Variants in MFSD8 observed in about 807,000 individuals in gnomAD.
MFSD8 encodes major facilitator superfamily domain containing 8.
MFSD8 carries 55 observed loss-of-function variants against 66.4 expected under a neutral mutation model. The ratio of observed to expected loss-of-function variants is 0.83; its 90% CI spans 0.67 to 1.04. The LOEUF is 1.04. Among genes scored for constraint, MFSD8 ranks in the 50% least tolerant of loss-of-function variants. The pLI is 0.00. For synonymous variants in MFSD8, 202 were observed against 212.8 expected, an observed-to-expected ratio of 0.95 and a Z score of 0.44; for missense variants, 550 against 627.6, an observed-to-expected ratio of 0.88 and a Z score of 1.32.
chr4:127,942,349 T>C (rs1740327205), intron 4 of MFSD8, among the ~76,000 whole-genome samples, 191 bp from the exon 5 acceptor site: 1 of 152,140 alleles, frequency 6.6e-6, no homozygotes, highest in Middle Eastern at 3.2e-3. Context: ...ACCATACTAG[T>C]TTTGGTAATA....
intron 9 of MFSD8, among the ~76,000 whole-genome samples, chr4:127,925,616 T>C (rs773813680): frequency 3.3e-5 from 5 of 152,156 alleles, no homozygotes; most frequent in Non-Finnish European, 7.3e-5. Context: ...TGTGGAGAAA[T>C]AGGAACACCT....
intron 3 of MFSD8, among the ~76,000 whole-genome samples, chr4:127,946,821 A>G (rs565334810): frequency 4.6e-5 from 7 of 152,168 alleles, no homozygotes; most frequent in African/African-American, 1.7e-4. Context: ...AGGCTGAGGC[A>G]GGAGAATCAC....
At chr4:127,917,744 T>C (rs1342103057), downstream of MFSD8, 1 of 152,228 alleles carries the variant, frequency 6.6e-6, no homozygotes, top group Non-Finnish European at 1.5e-5. Context: ...AATTGGCACA[T>C]AGTGGGTACC....
chr4:127,921,002 T>G, intron 11 of MFSD8, 166 bp from the exon 12 acceptor site: 1 of 650,958 alleles, frequency 1.5e-6, no homozygotes, highest in Non-Finnish European at 2.6e-6. Flanking sequence ...CATTTAATAT[T>G]AAGTCAGATT....
chr4:127,930,912 C>T, intron 8 of MFSD8, 95 bp from the exon 9 acceptor site: 2 of 1,192,280 alleles, frequency 1.7e-6, no homozygotes, highest in South Asian at 3.0e-5. Context: ...TCTACACATT[C>T]AAGAATGTGC....
chr4:127,961,700 C>G (rs1017994912), intron 1 of MFSD8, among the ~76,000 whole-genome samples: 2 of 151,600 alleles, frequency 1.3e-5, no homozygotes, highest in Admixed American at 6.6e-5. Context: ...CCTGTAGTCC[C>G]AGCTACTCTA....
In MFSD8 at chr4:127,919,350, A is replaced by C. The variant is rs146441639; in HGVS notation, c.*1280T>G. The C allele has an allele frequency of 1.3e-5, 2 of 152,178 alleles. No individual in the cohort carries two copies. Among genetic ancestry groups the C allele is most frequent in the Non-Finnish European group, 2.9e-5 (2 of 68,020 alleles). 9.4% of individuals were successfully genotyped at this position (152,178 alleles called of 1,614,324 possible). A position where few individuals can be genotyped will look rare whatever the true frequency, so the allele number is the denominator to read the frequency against. On this transcript the variant is annotated 3_prime_UTR_variant, in exon 12 of 12. Coordinates refer to ENST00000641686, the MANE Select transcript of MFSD8 (RefSeq NM_001371596.2). ...ACACTGCACCCAACCTATAAAGTGC[A>C]GATTATATAGTGTTTATTCTCAGAT...
intron 5 of MFSD8, among the ~76,000 whole-genome samples, chr4:127,940,917 CT>C (rs1387089771): frequency 1.3e-5 from 2 of 152,024 alleles, no homozygotes; most frequent in African/African-American, 4.8e-5. Flanking sequence ...AATGTTAGTG[CT>C]TGTTGAGGGC....
At chr4:127,931,275 A>G (rs1166436037) in intron 8 of MFSD8, among the ~76,000 whole-genome samples, 1 of 152,124 alleles carries the variant, frequency 6.6e-6, no homozygotes, top group African/African-American at 2.4e-5. Flanking sequence ...CCTTTATATG[A>G]CTATATCCTT....
intron 9 of MFSD8, among the ~76,000 whole-genome samples, chr4:127,926,201 T>C (rs935948786): frequency 9.5e-6 from 1 of 105,556 alleles, no homozygotes; most frequent in Non-Finnish European, 2.0e-5. Context: ...AACCTGCACA[T>C]ATATTCCAGA....
chr4:127,945,762 T>C (rs543738155), intron 3 of MFSD8: 1 of 152,312 alleles, frequency 6.6e-6, no homozygotes, highest in South Asian at 2.1e-4. Context: ...TTTTAGGTAC[T>C]CTGGTTTTCA....
rs774112195 is a variant in MFSD8 at position 127,943,838 on chromosome 4, T to C, written c.353A>G (p.Asn118Ser). 4 of 1,614,170 alleles carry C rather than the reference T, an allele frequency of 2.5e-6. No homozygotes were observed. The East Asian group carries it at 6.7e-5, about 27-fold the overall frequency. Residue 118 changes from asparagine to serine, a missense_variant, in exon 4 of 12, where the codon AAC becomes AGC. Physicochemically the swap from Asn to Ser is conservative, Grantham distance 46. Coordinates refer to ENST00000641686, the MANE Select transcript of MFSD8 (RefSeq NM_001371596.2). The stretch of plus-strand genomic sequence containing the variant: ...GATGTGGAGATATGCATAGAGGCAG[T>C]TGGCTGCCACGGAAATCAAGATGGA... ...IVSILISVAANCLYAYLHIPA... is the reference protein window; with the variant it reads ...IVSILISVAASCLYAYLHIPA...
At chr4:127,946,264 G>C (rs1186708409) in intron 3 of MFSD8, among the ~76,000 whole-genome samples, 1 of 151,978 alleles carries the variant, frequency 6.6e-6, no homozygotes, top group Non-Finnish European at 1.5e-5. Flanking sequence ...CAAAATATCT[G>C]GAGAAAAGAG....
In MFSD8 at chr4:127,938,595, ATAAATAAATAAATAAAT is replaced by A. The variant is rs1331296637; in HGVS notation, c.754+171_754+187del. On this transcript the variant is annotated intron_variant, in intron 7 of 11. Transcript: ENST00000641686. ...GAAACTCTGTCTCAAAAAAAAAAAA[ATAAATAAATAAATAAAT>A]AAATAAATAAATAAATAAATAAATT... Among the ~76,000 whole-genome samples, 60 of 110,984 alleles carry A rather than the reference ATAAATAAATAAATAAAT, an allele frequency of 5.4e-4. No homozygotes were observed. The South Asian group carries it at 0.014, about 27-fold the overall frequency. 72.8% of individuals were successfully genotyped at this position (110,984 alleles called of 152,430 possible).
intron 5 of MFSD8, among the ~76,000 whole-genome samples, chr4:127,940,513 A>T (rs2148909594): frequency 1.0e-5 from 1 of 99,472 alleles, no homozygotes; most frequent in East Asian, 2.6e-4. Context: ...TATTCTGTAT[A>T]TGGTATATAT....
intron 11 of MFSD8, chr4:127,921,077 A>G (rs1736277887): frequency 3.5e-6 from 2 of 575,704 alleles, no homozygotes; most frequent in Admixed American, 6.2e-5. Flanking sequence ...GAATAATAAA[A>G]TTGATTAAAA....
chr4:127,965,240 C>T, upstream of MFSD8: 2 of 1,409,298 alleles, frequency 1.4e-6, no homozygotes, highest in Non-Finnish European at 2.0e-6. Context: ...TGCGCGTGCG[C>T]ACCTGACGGT....
chr4:127,939,860 T>G lies in MFSD8; in HGVS notation c.691A>C (p.Ile231Leu). 1 of 1,612,264 alleles carries G rather than the reference T, an allele frequency of 6.2e-7. No homozygotes were observed. Among genetic ancestry groups the G allele is most frequent in the Non-Finnish European group, 8.5e-7 (1 of 1,179,030 alleles). ...GILNIILILA[I>L]LREHRVDDSG... Reference sequence around the variant, plus strand: ...TCATTTCTATCTAATTACCTTAGTATGGCAAGGATCAGAATAATATTTAAA... The same window carrying G: ...TCATTTCTATCTAATTACCTTAGTAGGGCAAGGATCAGAATAATATTTAAA... The change falls in exon 6 of 12, where the codon ATA becomes CTA. Residue 231 changes from isoleucine (I) to leucine (L), a missense_variant. Ile to Leu is a conservative substitution (Grantham distance 5). Coordinates refer to ENST00000641686, the MANE Select transcript of MFSD8 (RefSeq NM_001371596.2).
In MFSD8 at chr4:127,919,750, A is replaced by G. The variant is rs1317993429; in HGVS notation, c.*880T>C. 4 of 152,192 alleles carry G rather than the reference A, an allele frequency of 2.6e-5. No homozygotes were observed. The highest frequency in any genetic ancestry group is 5.9e-5 in the Non-Finnish European group (4 of 68,036). 9.4% of individuals were successfully genotyped at this position (152,192 alleles called of 1,614,324 possible). The stretch of plus-strand genomic sequence containing the variant: ...AGATGGGAAAAATTAAAGTAAATTA[A>G]TTAATGTTTTACTAATTAAATGTTT... On this transcript the variant is annotated 3_prime_UTR_variant, in exon 12 of 12. Transcript: ENST00000641686.
Sources: gnomAD v4.1 joint callset for allele counts (sites outside exome capture counted in the v4.1 genomes callset) on GRCh38, gnomAD v4.1.1 for gene constraint, MANE v1.5 for transcripts, NCBI Gene and HGNC (gene_info 2026-07-23, HGNC 2026-07-21) for gene names.